UNC80: variants seen among roughly 807,000 people sequenced by gnomAD.
UNC80 encodes protein unc-80 homolog.
A neutral mutation model predicts 384.6 loss-of-function variants in UNC80; 164 were observed. The ratio of observed to expected loss-of-function variants is 0.43; its 90% CI spans 0.38 to 0.49. The LOEUF is 0.49. UNC80 is among the 20% of genes least tolerant of loss of function. The pLI is 0.00. For missense variants in UNC80, 3,330 were observed against 4,143.0 expected, an observed-to-expected ratio of 0.80 and a Z score of 5.39; for synonymous variants, 1,486 against 1,527.8, an observed-to-expected ratio of 0.97 and a Z score of 0.64.
At chr2:209,812,730 G>A (rs1034119424) in intron 7 of UNC80, among the ~76,000 whole-genome samples, 2 of 152,202 alleles carry the variant, frequency 1.3e-5, no homozygotes, top group Non-Finnish European at 2.9e-5. Context: ...TTCAAGGTGA[G>A]AAAGTTAAAC....
At chr2:209,810,995 G>A (rs2079309325) in intron 7 of UNC80, among the ~76,000 whole-genome samples, 1 of 152,132 alleles carries the variant, frequency 6.6e-6, no homozygotes, top group Non-Finnish European at 1.5e-5. Context: ...AGGCTGAGAG[G>A]AGTGGGTTGC....
intron 23 of UNC80, among the ~76,000 whole-genome samples, chr2:209,877,147 G>A (rs2084851809): frequency 6.6e-6 from 1 of 152,082 alleles, no homozygotes; most frequent in African/African-American, 2.4e-5. Flanking sequence ...TCCTGAGCCT[G>A]TGTCTCTTCT....
rs772998315 is a variant in UNC80 at position 209,820,528 on chromosome 2, G to T, written c.2180G>T (p.Cys727Phe). The change falls in exon 13 of 65, where the codon TGT becomes TTT. Residue 727 changes from cysteine to phenylalanine, a missense_variant. By Grantham distance (205) the Cys-to-Phe change is radical. Coordinates refer to ENST00000673920, the MANE Select transcript of UNC80 (RefSeq NM_001371986.1). ...QFKGVSGSST[C>F]GFGGPAVSGA... is the part of the protein sequence containing the mutation. ...AAAGGAGTATCTGGAAGTTCCACCT[G>T]TGGATTCGGAGGCCCTGCTGTTAGT... is the stretch of plus-strand genomic sequence containing the variant. The T allele has an allele frequency of 1.3e-6, 2 of 1,551,462 alleles. No individual in the cohort carries two copies. Among genetic ancestry groups the T allele is most frequent in the African/African-American group, 2.7e-5 (2 of 72,982 alleles).
intron 38 of UNC80, among the ~76,000 whole-genome samples, chr2:209,931,315 AAC>A (rs869279104): frequency 6.8e-6 from 1 of 146,110 alleles, no homozygotes; most frequent in Admixed American, 7.0e-5. Context: ...CTGTTGAGAA[AAC>A]ATGTGTTCTT....
At chr2:209,876,786 C>T (rs560841206) in intron 23 of UNC80, among the ~76,000 whole-genome samples, 1 of 152,086 alleles carries the variant, frequency 6.6e-6, no homozygotes, top group African/African-American at 2.4e-5. Flanking sequence ...TTTAGAATCC[C>T]ACATACTGCA....
intron 44 of UNC80, 117 bp from the exon 45 acceptor site, chr2:209,943,263 C>T: frequency 1.5e-6 from 2 of 1,313,436 alleles, no homozygotes; most frequent in Non-Finnish European, 2.1e-6. Context: ...TTCCTCTCTA[C>T]CAGTTTACAA....
At chr2:209,789,709 G>C in intron 6 of UNC80, 104 bp downstream of exon 6, 1 of 755,868 alleles carries the variant, frequency 1.3e-6, no homozygotes. Context: ...CAGGCTCAAA[G>C]CCACTCCTCC....
At chr2:209,879,793 G>A (rs1187058732) in intron 24 of UNC80, among the ~76,000 whole-genome samples, 4 of 152,116 alleles carry the variant, frequency 2.6e-5, no homozygotes, top group Admixed American at 6.5e-5. Flanking sequence ...TTCTACAGAA[G>A]CTTGTCTTTT....
Position 209,829,327 on chromosome 2 carries a change from A to G in UNC80, c.2574A>G (p.Val858=). The change falls in exon 15 of 65, where the codon GTA becomes GTG. Residue 858 remains valine, a synonymous_variant. Coordinates refer to ENST00000673920, the MANE Select transcript of UNC80 (RefSeq NM_001371986.1). The part of the protein sequence containing the change: ...DYVNKDSLNN[V]VDFLHALLGF... ...TGAACAAGGACTCTCTCAATAATGT[A>G]GTGGACTTCTTGCATGCTTTGCTAG... 1.3e-6 allele frequency: 2 copies of G among 1,551,412 alleles called. No homozygotes were observed. Among genetic ancestry groups the G allele is most frequent in the Non-Finnish European group, 1.7e-6 (2 of 1,146,768 alleles).
At chr2:209,797,938 G>A (rs922913556) in intron 7 of UNC80, among the ~76,000 whole-genome samples, 4 of 152,002 alleles carry the variant, frequency 2.6e-5, no homozygotes, top group Non-Finnish European at 5.9e-5. Context: ...TCATATGTTT[G>A]TCAGCTGTGT....
chr2:209,774,915 T>C (rs1470581658), intron 2 of UNC80, among the ~76,000 whole-genome samples: 8 of 152,188 alleles, frequency 5.3e-5, no homozygotes, highest in Non-Finnish European at 1.2e-4. Flanking sequence ...TAAGCCATAT[T>C]AGGATACCTG....
rs2091766019 is a variant in UNC80 at position 209,943,652 on chromosome 2, A to G, written c.7050+138A>G. ...GCAGAGATGCAAAGGCAGGCAGAGGAGTCGAAAAACTGTATAGTGAAAAAA... is the reference window on the plus strand; with the variant it reads ...GCAGAGATGCAAAGGCAGGCAGAGGGGTCGAAAAACTGTATAGTGAAAAAA... On this transcript the variant is annotated intron_variant, in intron 45 of 64. Coordinates refer to ENST00000673920, the MANE Select transcript of UNC80 (RefSeq NM_001371986.1). The G allele has an allele frequency of 5.7e-6, 6 of 1,049,188 alleles. No homozygotes were observed. In the South Asian group the frequency reaches 9.8e-5, roughly 17 times the overall value. The allele number at this position is 1,049,188 out of a possible 1,614,324, so 65.0% of individuals were successfully genotyped here. A position where few individuals can be genotyped will look rare whatever the true frequency, so the allele number is the denominator to read the frequency against.
rs1189103949 is a variant in UNC80, at chr2:209,813,861, T to C, written c.1200+20T>C. Reference sequence around the variant, plus strand: ...ACCCAAGTAAGAAAAACCCGGTTCATTGTCATTCAAACCAGCAACTTTGCC... The same window carrying C: ...ACCCAAGTAAGAAAAACCCGGTTCACTGTCATTCAAACCAGCAACTTTGCC... On this transcript the variant is annotated intron_variant, in intron 8 of 64. Coordinates refer to ENST00000673920, the MANE Select transcript of UNC80 (RefSeq NM_001371986.1). 1 of 1,546,808 alleles carries C rather than the reference T, an allele frequency of 6.5e-7. No homozygotes were observed.
At chr2:209,963,183 A>G (rs889413467) in intron 51 of UNC80, among the ~76,000 whole-genome samples, 2 of 152,196 alleles carry the variant, frequency 1.3e-5, no homozygotes, top group Non-Finnish European at 2.9e-5. Context: ...CAGCTGGATA[A>G]TAGAATCTGC....
intron 22 of UNC80, among the ~76,000 whole-genome samples, chr2:209,871,816 T>C (rs1222307197): frequency 6.7e-6 from 1 of 149,326 alleles, no homozygotes. Context: ...TCTTTTTTCT[T>C]TTTTTTTTTT....
intron 16 of UNC80, 120 bp from the exon 17 acceptor site, chr2:209,833,882 T>C (rs1417542422): frequency 2.1e-6 from 2 of 955,670 alleles, no homozygotes; most frequent in African/African-American, 3.3e-5. Context: ...AACTGTCCTG[T>C]CTTAATGATT....
At chr2:209,881,900 CA>C (rs1467085213) in intron 25 of UNC80, among the ~76,000 whole-genome samples, 1 of 151,248 alleles carries the variant, frequency 6.6e-6, no homozygotes, top group Non-Finnish European at 1.5e-5. Flanking sequence ...GCAATCGTTA[CA>C]TAAACAATCT....
At chr2:209,936,975 G>T (rs766735755) in intron 41 of UNC80, 42 bp downstream of exon 41, 1 of 1,363,812 alleles carries the variant, frequency 7.3e-7, no homozygotes, top group South Asian at 1.3e-5. Context: ...TTGTGCCAAA[G>T]GCTTATCATG....
At chr2:209,809,462 A>C in intron 7 of UNC80, 1 of 1,457,396 alleles carries the variant, frequency 6.9e-7, no homozygotes, top group Non-Finnish European at 9.6e-7. Flanking sequence ...CTGCGGGCCC[A>C]CCTCCAGACC....
Sources: allele counts gnomAD v4.1 joint callset (sites outside exome capture counted in the v4.1 genomes callset), GRCh38; gene constraint gnomAD v4.1.1; transcripts MANE v1.5; gene names NCBI Gene and HGNC (gene_info 2026-07-23, HGNC 2026-07-21).